STXBP5L: variants seen among roughly 807,000 people sequenced by gnomAD.
STXBP5L encodes syntaxin binding protein 5L, also known as syntaxin-binding protein 5-like.
Under a neutral mutation model 144.5 loss-of-function variants are expected in STXBP5L, and 65 were observed. That is an observed-to-expected ratio of 0.45 (90% CI 0.37 to 0.55). STXBP5L has a LOEUF of 0.55. STXBP5L is among the 20% of genes least tolerant of loss of function. STXBP5L has a pLI of 0.00. For synonymous variants in STXBP5L, 505 were observed against 469.6 expected (o/e 1.08, Z -0.97); for missense variants, 1,298 against 1,405.5 (o/e 0.92, Z 1.22).
intron 1 of STXBP5L, among the ~76,000 whole-genome samples, chr3:120,908,724 C>T (rs1163403120): frequency 6.6e-6 from 1 of 151,520 alleles, no homozygotes; most frequent in Non-Finnish European, 1.5e-5. Context: ...CCCCCGAGAG[C>T]GGCTGCCGTG....
At chr3:121,217,129 G>A (rs1188620099) in intron 10 of STXBP5L, among the ~76,000 whole-genome samples, 4 of 152,146 alleles carry the variant, frequency 2.6e-5, no homozygotes, top group Non-Finnish European at 1.5e-5. Context: ...CTGTGGGGTT[G>A]GGATCCACTG....
intron 7 of STXBP5L, among the ~76,000 whole-genome samples, chr3:121,152,132 T>A (rs1382249344): frequency 6.6e-6 from 1 of 152,052 alleles, no homozygotes; most frequent in Non-Finnish European, 1.5e-5. Flanking sequence ...GAATGGCATA[T>A]ACATAGTTCA....
At chr3:120,954,854 G>A in intron 2 of STXBP5L, 86 bp from the exon 3 acceptor site, 1 of 1,001,130 alleles carries the variant, frequency 1.0e-6, no homozygotes, top group Non-Finnish European at 1.4e-6. Flanking sequence ...ACTAATTTTA[G>A]ACATTCTGGT....
Position 120,972,878 on chromosome 3 carries a change from AT to A in STXBP5L, c.287+17844del, listed in dbSNP as rs566051961. ...TTTATGTGGTGAATCAAATTTATTGATTTGCATATGTTGAATCGTCCTTGCA... is the reference window on the plus strand; with the variant it reads ...TTTATGTGGTGAATCAAATTTATTGATTGCATATGTTGAATCGTCCTTGCA... On this transcript the variant is annotated intron_variant, in intron 3 of 26. Transcript: ENST00000471454. Among the ~76,000 whole-genome samples the A allele has an allele frequency of 3.9e-5, 6 of 152,140 alleles. No individual in the cohort carries two copies. In the South Asian group the frequency reaches 1.2e-3, roughly 32 times the overall value.
chr3:121,335,589 G>T (rs974909202), intron 20 of STXBP5L, among the ~76,000 whole-genome samples: 1 of 152,074 alleles, frequency 6.6e-6, no homozygotes, highest in African/African-American at 2.4e-5. Flanking sequence ...CATGGGACTG[G>T]TACAAAAACA....
intron 18 of STXBP5L, among the ~76,000 whole-genome samples, chr3:121,261,466 C>T (rs1274005281): frequency 3.3e-5 from 5 of 152,034 alleles, no homozygotes; most frequent in African/African-American, 9.7e-5. Context: ...AAGGGTATTA[C>T]AAAAAGAGAA....
In STXBP5L at chr3:121,246,168, A is replaced by G. The variant is rs77474496; in HGVS notation, c.1401-4555A>G. Among the ~76,000 whole-genome samples the G allele has an allele frequency of 5.9e-3, 898 of 152,304 alleles. 12 individuals are homozygous for G. The highest frequency in any genetic ancestry group is 8.9e-3 in the Non-Finnish European group (606 of 68,022). On this transcript the variant is annotated intron_variant, in intron 14 of 26. Transcript: ENST00000471454. ...AGCTCTGCCTCCTGTTAGATCAGGG[A>G]CAGCATTGGATTCTCATAGGAGTAC...
At chr3:120,917,788 CA>C (rs1405306563) in intron 2 of STXBP5L, among the ~76,000 whole-genome samples, 1 of 152,178 alleles carries the variant, frequency 6.6e-6, no homozygotes, top group Non-Finnish European at 1.5e-5. Flanking sequence ...ATACATATTT[CA>C]TTTGAATTCT....
chr3:121,211,451 C>T (rs1320739715), intron 10 of STXBP5L, among the ~76,000 whole-genome samples: 1 of 152,140 alleles, frequency 6.6e-6, no homozygotes, highest in East Asian at 1.9e-4. Flanking sequence ...CTGGTCAGAA[C>T]CTCCAACACT....
intron 20 of STXBP5L, among the ~76,000 whole-genome samples, chr3:121,373,810 G>A (rs2046102471): frequency 6.6e-6 from 1 of 152,076 alleles, no homozygotes; most frequent in Non-Finnish European, 1.5e-5. Flanking sequence ...CCTGCAGACT[G>A]GTCCTACTGG....
chr3:121,333,959 G>A (rs1484298442), intron 20 of STXBP5L, among the ~76,000 whole-genome samples: 2 of 151,962 alleles, frequency 1.3e-5, no homozygotes, highest in East Asian at 3.9e-4. Flanking sequence ...TCCCATTGTT[G>A]TGGGAGGGAC....
At chr3:121,355,724 C>G (rs1316687002) in intron 20 of STXBP5L, among the ~76,000 whole-genome samples, 1 of 152,272 alleles carries the variant, frequency 6.6e-6, no homozygotes, top group Admixed American at 6.5e-5. Context: ...CAGCTTTGTT[C>G]TGTTACTGGC....
At chr3:121,404,139 G>A (rs1022463057) in intron 22 of STXBP5L, among the ~76,000 whole-genome samples, 1 of 152,006 alleles carries the variant, frequency 6.6e-6, no homozygotes, top group South Asian at 2.1e-4. Flanking sequence ...TGAGCTCCTG[G>A]TATTCCTCTC....
Position 121,317,040 on chromosome 3 carries a change from TC to T in STXBP5L, c.2111-1433del, listed in dbSNP as rs1374206154. ...TTACTGCTTATTTAGTCAAACTTTTTCCTAATTTGTATATCTAGGGTTAAGA... is the reference window on the plus strand; with the variant it reads ...TTACTGCTTATTTAGTCAAACTTTTTCTAATTTGTATATCTAGGGTTAAGA... On this transcript the variant is annotated intron_variant, in intron 19 of 26. Transcript: ENST00000471454. Among the ~76,000 whole-genome samples the T allele has an allele frequency of 2.0e-5, 3 of 152,352 alleles. No homozygotes were observed. The East Asian group carries it at 5.8e-4, about 29-fold the overall frequency.
intron 8 of STXBP5L, among the ~76,000 whole-genome samples, chr3:121,156,312 A>T (rs2046108311): frequency 6.6e-6 from 1 of 151,928 alleles, no homozygotes. Flanking sequence ...TGGAAATTTT[A>T]GTTGTATGTG....
At chr3:121,108,030 A>G (rs2043798542) in intron 5 of STXBP5L, among the ~76,000 whole-genome samples, 3 of 152,102 alleles carry the variant, frequency 2.0e-5, no homozygotes, top group Non-Finnish European at 4.4e-5. Context: ...TTGTTGGTAT[A>G]TAGGAATGGT....
At chr3:121,359,840 G>T (rs2045650042) in intron 20 of STXBP5L, among the ~76,000 whole-genome samples, 1 of 151,304 alleles carries the variant, frequency 6.6e-6, no homozygotes, top group African/African-American at 2.4e-5. Context: ...TGCTATTTTG[G>T]TAACTATACC....
chr3:120,986,947 G>A (rs1942345289), intron 3 of STXBP5L, among the ~76,000 whole-genome samples: 1 of 151,890 alleles, frequency 6.6e-6, no homozygotes, highest in Admixed American at 6.6e-5. Context: ...GGACCTGTGG[G>A]ACACCATCAA....
chr3:120,952,206 G>A (rs1711300599), intron 2 of STXBP5L, among the ~76,000 whole-genome samples: 2 of 151,974 alleles, frequency 1.3e-5, no homozygotes, highest in South Asian at 2.1e-4. Flanking sequence ...ACTAATGCTA[G>A]TTTGTCAATT....
Sources: gnomAD v4.1 joint callset for allele counts (sites outside exome capture counted in the v4.1 genomes callset) on GRCh38, gnomAD v4.1.1 for gene constraint, MANE v1.5 for transcripts, NCBI Gene and HGNC (gene_info 2026-07-23, HGNC 2026-07-21) for gene names.